Variants in FAT2 observed in about 807,000 individuals in gnomAD.
FAT2 encodes the protein FAT atypical cadherin 2.
A neutral mutation model predicts 295.3 loss-of-function variants in FAT2; 150 were observed. The observed-to-expected ratio is 0.51, with a 90% CI of 0.44 to 0.58. The LOEUF (loss-of-function observed/expected upper bound fraction) is 0.58. FAT2 is among the 20% of genes least tolerant of loss of function. FAT2 has a pLI of 0.00. For synonymous variants in FAT2, 2,026 were observed against 2,150.3 expected (o/e 0.94, Z 1.60); for missense variants, 4,868 against 5,442.7 (o/e 0.89, Z 3.32).
chr5:151,537,628 C>G (rs1755587121), intron 12 of FAT2, among the ~76,000 whole-genome samples, 165 bp downstream of exon 12: 2 of 152,322 alleles, frequency 1.3e-5, no homozygotes, highest in Middle Eastern at 6.8e-3. Flanking sequence ...TCTTATCAAT[C>G]TATTTATTAT....
rs763630955 is a variant in FAT2 at position 151,544,868 on chromosome 5, C to T, written c.6259G>A (p.Asp2087Asn). Residue 2087 changes from aspartate (D) to asparagine (N), a missense_variant, in exon 10 of 24, where the codon GAT becomes AAT. Asp to Asn is a conservative substitution (Grantham distance 23). This residue lies in a region of FAT2 where 3,297 missense variants were observed against 3,669.4 expected (regional missense o/e 0.90). Coordinates refer to ENST00000261800, the MANE Select transcript of FAT2 (RefSeq NM_001447.3). ...TIIQDGTEPG[D>N]VLFQVSATDE... ...GTGGCAGATACCTGAAAGAGGACAT[C>T]CCCTGGCTCTGTGCCATCTTGGATG... The T allele has an allele frequency of 6.2e-7, 1 of 1,614,154 alleles. No individual in the cohort carries two copies. Among genetic ancestry groups the T allele is most frequent in the Admixed American group, 1.7e-5 (1 of 60,016 alleles).
intron 10 of FAT2, among the ~76,000 whole-genome samples, chr5:151,540,992 C>A (rs1756074944): frequency 6.6e-6 from 1 of 152,246 alleles, no homozygotes; most frequent in Non-Finnish European, 1.5e-5. Context: ...CAAGAAGCAT[C>A]ACTTCAAAAT....
chr5:151,587,452 CG>C (rs1477052255), intron 1 of FAT2, among the ~76,000 whole-genome samples: 1 of 152,140 alleles, frequency 6.6e-6, no homozygotes, highest in African/African-American at 2.4e-5. Flanking sequence ...TCTTTAACTG[CG>C]GGGCCTTTGC....
At position 151,534,536 on chromosome 5, in the gene FAT2, G is replaced by C. The variant is rs1755020744; in HGVS notation, c.9300C>G (p.Thr3100=). 1.5e-5 allele frequency: 24 copies of C among 1,613,982 alleles called. No homozygotes were observed. Among genetic ancestry groups the C allele is most frequent in the Non-Finnish European group, 2.0e-5 (24 of 1,180,022 alleles). ...GGGRSCQADI[T]LHVEDVNDNA... is the part of the protein sequence containing the mutation. ...TGTCATTCACATCCTCCACATGGAGGGTGATGTCTGCCTGGCACGATCGGC... is the reference window on the plus strand; with the variant it reads ...TGTCATTCACATCCTCCACATGGAGCGTGATGTCTGCCTGGCACGATCGGC... The change falls in exon 13 of 24, where the codon ACC becomes ACG. Residue 3100 remains threonine (T), a synonymous_variant. Coordinates refer to ENST00000261800, the MANE Select transcript of FAT2 (RefSeq NM_001447.3).
chr5:151,580,924 C>G (rs2127659850), intron 1 of FAT2, among the ~76,000 whole-genome samples: 1 of 152,314 alleles, frequency 6.6e-6, no homozygotes, highest in East Asian at 1.9e-4. Flanking sequence ...TCCAGCAGGC[C>G]CTGTGGCCAA....
At chr5:151,565,638 G>C (rs1209728614) in intron 2 of FAT2, 35 bp downstream of exon 2, 8 of 1,525,138 alleles carry the variant, frequency 5.2e-6, no homozygotes, top group Non-Finnish European at 7.1e-6. Flanking sequence ...ATCTACCTCT[G>C]GCCCTGGCAC....
At position 151,545,890 on chromosome 5, in the gene FAT2, A is replaced by G. The variant is rs765754012; in HGVS notation, c.5237T>C (p.Val1746Ala). ...AGAFTDVMVV[V>A]DIIDENDNAP... ...ATTGTCATTTTCATCAATTATGTCA[A>G]CCACCACCATGACATCAGTAAATGC... is the stretch of plus-strand genomic sequence containing the variant. The change falls in exon 10 of 24, where the codon GTT (valine) becomes GCT (alanine). Residue 1746 changes from valine (V) to alanine (A), a missense_variant. Val to Ala is a moderately conservative substitution (Grantham distance 64). Around this residue, in one of 5 missense-constraint regions of FAT2, gnomAD observed 3,297 missense variants for 3,669.4 expected, o/e 0.90. Transcript: ENST00000261800. 10 of 1,614,188 alleles carry G rather than the reference A, an allele frequency of 6.2e-6. No individual in the cohort carries two copies. Among genetic ancestry groups the G allele is most frequent in the South Asian group, 1.1e-5 (1 of 91,076 alleles).
chr5:151,526,433 T>G (rs184654918), intron 17 of FAT2, among the ~76,000 whole-genome samples: 6 of 152,314 alleles, frequency 3.9e-5, no homozygotes, highest in Admixed American at 3.3e-4. Flanking sequence ...GACTAGGAAT[T>G]TAATAAGAAA....
Position 151,505,198 on chromosome 5 carries a change from T to C in FAT2, c.*367A>G. On this transcript the variant is annotated 3_prime_UTR_variant, in exon 24 of 24. Transcript: ENST00000261800. ...CTGTGGGCAGGTATGAGAATGCATC[T>C]TGGTGAAGTTGAGCCAGCACAGTCA... is the stretch of plus-strand genomic sequence containing the variant. 1 of 336,588 alleles carries C rather than the reference T, an allele frequency of 3.0e-6. No homozygotes were observed. The highest frequency in any genetic ancestry group is 3.2e-5 in the South Asian group (1 of 31,164). 20.9% of individuals were successfully genotyped at this position (336,588 alleles called of 1,614,324 possible).
chr5:151,552,647 C>T (rs1362137041), intron 6 of FAT2, among the ~76,000 whole-genome samples: 1 of 152,176 alleles, frequency 6.6e-6, no homozygotes, highest in African/African-American at 2.4e-5. Flanking sequence ...CTGTGACCCC[C>T]AGATGTTGAA....
intron 6 of FAT2, among the ~76,000 whole-genome samples, chr5:151,552,896 A>G (rs1458469967): frequency 2.6e-5 from 4 of 152,208 alleles, no homozygotes; most frequent in Admixed American, 2.6e-4. Flanking sequence ...TTCCTGAACC[A>G]TTTTAGGTCT....
Position 151,543,875 on chromosome 5 carries a change from TCAGGTACTC to T in FAT2, c.7243_7251del (p.Glu2415_Leu2417del). On this transcript the variant is annotated inframe_deletion, in exon 10 of 24. Transcript: ENST00000261800. ...TGCCTGTCCTGATTGCCAGAAAGAA[TCAGGTACTC>T]CAGGCGGGAGGTGTCTCTGCTGTCA... is the stretch of plus-strand genomic sequence containing the variant. 1.2e-6 allele frequency: 2 copies of T among 1,614,198 alleles called. No individual in the cohort carries two copies. Among genetic ancestry groups the T allele is most frequent in the South Asian group, 1.1e-5 (1 of 91,082 alleles).
chr5:151,554,275 G>A, intron 5 of FAT2, 87 bp downstream of exon 5: 1 of 1,226,434 alleles, frequency 8.2e-7, no homozygotes. Flanking sequence ...TTATGCTGGT[G>A]GGCTGTCTCC....
chr5:151,522,719 GGAT>G (rs1285582518), intron 18 of FAT2, among the ~76,000 whole-genome samples: 4 of 152,158 alleles, frequency 2.6e-5, no homozygotes, highest in African/African-American at 4.8e-5. Flanking sequence ...GAGTCCTGAG[GGAT>G]GAGAAGAAGA....
At chr5:151,592,479 G>A (rs950866748), upstream of FAT2, among the ~76,000 whole-genome samples, 6 of 152,024 alleles carry the variant, frequency 3.9e-5, no homozygotes, top group East Asian at 1.2e-3. Flanking sequence ...TGGCAAATAA[G>A]TGAGTCTTTG....
At position 151,573,822 on chromosome 5, in the gene FAT2, C is replaced by T. The variant is rs368480276; in HGVS notation, c.-20-4871G>A. ...CTCCAGCTTCTCAGGATCTTGATTC[C>T]GACATTCAGAAACCTGATAGTTGTA... is the stretch of plus-strand genomic sequence containing the variant. On this transcript the variant is annotated intron_variant, in intron 1 of 23. Transcript: ENST00000261800. Among the ~76,000 whole-genome samples the T allele has an allele frequency of 3.9e-5, 6 of 152,202 alleles. 1 individual carries two copies. The highest frequency in any genetic ancestry group is 1.5e-5 in the Non-Finnish European group (1 of 68,008).
At position 151,512,725 on chromosome 5, in the gene FAT2, CT is replaced by C; in HGVS notation, c.11464-120del. On this transcript the variant is annotated intron_variant, in intron 20 of 23. Transcript: ENST00000261800. This position sits in a 1 kb window ranked among gnomAD's most constrained non-coding sequence, Gnocchi z 4.1. ...TTATGGGTAGGAGGGGGGTGTTTGG[CT>C]GTTTTAGACATGGCATTTGCAGAGC... is the stretch of plus-strand genomic sequence containing the variant. The C allele has an allele frequency of 1.1e-6, 1 of 901,682 alleles. No homozygotes were observed. Among genetic ancestry groups the C allele is most frequent in the Non-Finnish European group, 1.7e-6 (1 of 596,974 alleles). 55.9% of individuals were successfully genotyped at this position (901,682 alleles called of 1,614,324 possible). A position where few individuals can be genotyped will look rare whatever the true frequency, so the allele number is the denominator to read the frequency against.
Position 151,564,318 on chromosome 5 carries a change from G to A in FAT2, c.3260-679C>T, listed in dbSNP as rs536885497. The stretch of plus-strand genomic sequence containing the variant: ...TAGCATAACAGAGACGACCGCTGGG[G>A]AAACTGAGGCTCAGAGAGGGAGCAC... On this transcript the variant is annotated intron_variant, in intron 2 of 23. Transcript: ENST00000261800. Among the ~76,000 whole-genome samples, 5 of 152,352 alleles carry A rather than the reference G, an allele frequency of 3.3e-5. No individual in the cohort carries two copies. The South Asian group carries it at 8.3e-4, about 25-fold the overall frequency.
Position 151,544,945 on chromosome 5 carries a change from T to C in FAT2, c.6182A>G (p.Glu2061Gly), listed in dbSNP as rs1325658529. 2.5e-6 allele frequency: 4 copies of C among 1,614,072 alleles called. No individual in the cohort carries two copies. Residue 2061 changes from glutamate (E) to glycine (G), a missense_variant, in exon 10 of 24, where the codon GAG becomes GGG. This residue lies in a region of FAT2 where 3,297 missense variants were observed against 3,669.4 expected (regional missense o/e 0.90). Coordinates refer to ENST00000261800, the MANE Select transcript of FAT2 (RefSeq NM_001447.3). ...VAQGLVRVSIEDVNDNPPKFK... is the reference protein window; with the variant it reads ...VAQGLVRVSIGDVNDNPPKFK... ...TTTGGGGGGATTGTCATTGACATCC[T>C]CAATAGAGACTCTGACCAAACCCTG... is the stretch of plus-strand genomic sequence containing the variant.
Sources: gnomAD v4.1 joint callset for allele counts (sites outside exome capture counted in the v4.1 genomes callset) on GRCh38, gnomAD v4.1.1 for gene constraint, gnomAD v4.1.1 regional missense constraint, Gnocchi (gnomAD v3.1) non-coding constraint, MANE v1.5 for transcripts, NCBI Gene and HGNC (gene_info 2026-07-23, HGNC 2026-07-21) for gene names.